MGAT5: variants seen among roughly 807,000 people sequenced by gnomAD.
The protein encoded by MGAT5 is alpha-1,6-mannosylglycoprotein 6-beta-N-acetylglucosaminyltransferase A.
Under a neutral mutation model 94.3 loss-of-function variants are expected in MGAT5, and 30 were observed. That is an observed-to-expected ratio of 0.32 (90% CI 0.24 to 0.43). The LOEUF (loss-of-function observed/expected upper bound fraction) is 0.43, where lower values mean the gene tolerates loss of function less well. MGAT5 is among the 20% of genes least tolerant of loss of function. MGAT5 has a pLI of 1.00. For synonymous variants in MGAT5, 310 were observed against 322.9 expected, an observed-to-expected ratio of 0.96 and a Z score of 0.43; for missense variants, 691 against 905.5, an observed-to-expected ratio of 0.76 and a Z score of 3.04.
At chr2:134,306,151 C>T (rs72978143) in intron 2 of MGAT5, among the ~76,000 whole-genome samples, 2,651 of 152,100 alleles carry the variant, frequency 0.017, 89 homozygotes, top group African/African-American at 0.06. Context: ...ATGATACCCA[C>T]GTGGAATATT....
rs933126865 is a variant in MGAT5 at position 134,449,136 on chromosome 2, C to T, written c.*289C>T. 9.8e-5 allele frequency: 43 copies of T among 440,646 alleles called. No homozygotes were observed. The highest frequency in any genetic ancestry group is 7.4e-4 in the African/African-American group (37 of 49,978). 27.3% of individuals were successfully genotyped at this position (440,646 alleles called of 1,614,324 possible). A position where few individuals can be genotyped will look rare whatever the true frequency, so the allele number is the denominator to read the frequency against. On this transcript the variant is annotated 3_prime_UTR_variant, in exon 16 of 16. Transcript: ENST00000281923. ...GGGAAGACTGTCACTGCAGCTGCTC[C>T]AGGGCAAAAGAAAGTCTCAAGAGTC...
Position 134,448,959 on chromosome 2 carries a change from TTTTCG to T in MGAT5, c.*114_*118del, listed in dbSNP as rs1211097771. The T allele has an allele frequency of 5.2e-6, 6 of 1,142,866 alleles. No homozygotes were observed. The highest frequency in any genetic ancestry group is 7.4e-6 in the Non-Finnish European group (6 of 805,968). 70.8% of individuals were successfully genotyped at this position (1,142,866 alleles called of 1,614,324 possible). ...AGGGACTCTGGCAAGAGCCTGAACT[TTTTCG>T]TAGAAGGTTCTGAATTGGCATTGCC... is the stretch of plus-strand genomic sequence containing the variant. On this transcript the variant is annotated 3_prime_UTR_variant, in exon 16 of 16. Transcript: ENST00000281923.
chr2:134,236,646 C>T (rs1681652564), intron 1 of MGAT5, among the ~76,000 whole-genome samples: 2 of 152,138 alleles, frequency 1.3e-5, no homozygotes, highest in Admixed American at 6.5e-5. Flanking sequence ...GTGAGTCAAA[C>T]CTCTTTCCTT....
chr2:134,189,816 G>A (rs1037181897), intron 1 of MGAT5, among the ~76,000 whole-genome samples: 2 of 151,826 alleles, frequency 1.3e-5, no homozygotes, highest in East Asian at 3.9e-4. Flanking sequence ...TGGCCAGGAT[G>A]GTCTCCATCT....
chr2:134,378,627 T>TTC (rs1445272428), intron 10 of MGAT5, among the ~76,000 whole-genome samples: 4 of 151,314 alleles, frequency 2.6e-5, no homozygotes, highest in Non-Finnish European at 5.9e-5. Flanking sequence ...CTTTTTTTTT[T>TTC]TTTTTTGAGA....
At chr2:134,379,397 C>T (rs1681396147) in intron 10 of MGAT5, among the ~76,000 whole-genome samples, 1 of 152,184 alleles carries the variant, frequency 6.6e-6, no homozygotes, top group Admixed American at 6.5e-5. Context: ...AGTCAGAGCT[C>T]AGGAATAGAC....
At chr2:134,377,931 G>A (rs570296391) in intron 10 of MGAT5, among the ~76,000 whole-genome samples, 1 of 152,246 alleles carries the variant, frequency 6.6e-6, no homozygotes, top group East Asian at 1.9e-4. Flanking sequence ...TCTCAACAGA[G>A]TCCACGTGGC....
chr2:134,348,400 TGTG>T (rs772929447), intron 8 of MGAT5, among the ~76,000 whole-genome samples: 15 of 152,288 alleles, frequency 9.8e-5, no homozygotes, highest in South Asian at 8.3e-4. Context: ...GTATTTGACT[TGTG>T]GTGGTGGCCT....
At chr2:134,240,014 G>T (rs566622146) in intron 1 of MGAT5, among the ~76,000 whole-genome samples, 1 of 151,994 alleles carries the variant, frequency 6.6e-6, no homozygotes, top group African/African-American at 2.4e-5. Flanking sequence ...AAATCCAACT[G>T]GTTGTTCAGA....
At chr2:134,316,961 A>G (rs1687031260) in intron 2 of MGAT5, among the ~76,000 whole-genome samples, 1 of 152,194 alleles carries the variant, frequency 6.6e-6, no homozygotes, top group African/African-American at 2.4e-5. Context: ...ACTTTATGGA[A>G]ATCTAAGGAC....
At chr2:134,399,431 A>T (rs1682907853) in intron 10 of MGAT5, among the ~76,000 whole-genome samples, 1 of 152,236 alleles carries the variant, frequency 6.6e-6, no homozygotes, top group Admixed American at 6.5e-5. Context: ...TGACTCCAGC[A>T]TGCGCTCTCC....
intron 10 of MGAT5, among the ~76,000 whole-genome samples, chr2:134,400,054 A>G (rs1682944939): frequency 6.6e-6 from 1 of 152,184 alleles, no homozygotes; most frequent in South Asian, 2.1e-4. Context: ...CATCCTGGAG[A>G]AGAGGAGACC....
intron 1 of MGAT5, among the ~76,000 whole-genome samples, chr2:134,212,908 C>T (rs1680276549): frequency 6.6e-6 from 1 of 152,134 alleles, no homozygotes; most frequent in African/African-American, 2.4e-5. Flanking sequence ...TGAGTGATGG[C>T]GTAAGTGAGC....
chr2:134,352,604 T>A (rs1480182887), intron 9 of MGAT5, among the ~76,000 whole-genome samples: 1 of 152,216 alleles, frequency 6.6e-6, no homozygotes, highest in East Asian at 1.9e-4. Context: ...TGATTCCCAT[T>A]GGATAAAGTT....
At chr2:134,420,769 A>G (rs532886135) in intron 12 of MGAT5, among the ~76,000 whole-genome samples, 8 of 152,350 alleles carry the variant, frequency 5.3e-5, no homozygotes, top group South Asian at 4.1e-4. Context: ...TGTAAATTAT[A>G]TAACCTTGCC....
At chr2:134,260,456 A>T (rs1349996181) in intron 1 of MGAT5, among the ~76,000 whole-genome samples, 1 of 152,188 alleles carries the variant, frequency 6.6e-6, no homozygotes, top group Non-Finnish European at 1.5e-5. Flanking sequence ...GATTGCTCTG[A>T]AAGGTTAGCA....
At chr2:134,271,359 G>A (rs1684017013) in intron 2 of MGAT5, among the ~76,000 whole-genome samples, 1 of 152,114 alleles carries the variant, frequency 6.6e-6, no homozygotes. Context: ...CTGAGGATTA[G>A]GATTCAGTGC....
At chr2:134,244,530 C>G (rs1269763347) in intron 1 of MGAT5, among the ~76,000 whole-genome samples, 1 of 152,162 alleles carries the variant, frequency 6.6e-6, no homozygotes, top group Non-Finnish European at 1.5e-5. Flanking sequence ...TTATCAGTCA[C>G]CTTGAGACAG....
chr2:134,419,442 TTGTGTGTGTGTG>T lies in MGAT5; in HGVS notation c.1678-3325_1678-3314del, dbSNP rs56181696. ...ATTAGAAATACTCTGGCTTCAGGGT[TTGTGTGTGTGTG>T]TGTGTGTGTGTGTGTGTGTGTGTGT... On this transcript the variant is annotated intron_variant, in intron 12 of 15. Coordinates refer to ENST00000281923, the MANE Select transcript of MGAT5 (RefSeq NM_002410.5). 2.3e-3 allele frequency among the ~76,000 whole-genome samples: 306 copies of T among 134,220 alleles called. 2 individuals are homozygous for T. The highest frequency in any genetic ancestry group is 0.016 in the East Asian group (71 of 4,522). 88.1% of individuals were successfully genotyped at this position (134,220 alleles called of 152,430 possible).
Sources: gnomAD v4.1 joint callset for allele counts (sites outside exome capture counted in the v4.1 genomes callset) on GRCh38, gnomAD v4.1.1 for gene constraint, MANE v1.5 for transcripts, NCBI Gene and HGNC (gene_info 2026-07-23, HGNC 2026-07-21) for gene names.